The following SYCP2 variants were observed in gnomAD, a reference collection of about 807,000 sequenced individuals.
SYCP2 encodes the protein synaptonemal complex protein 2, also known as synaptonemal complex lateral element protein.
In SYCP2, 55 loss-of-function variants were observed where a neutral mutation model predicts 211.3. The observed-to-expected ratio is 0.26, with a 90% CI of 0.21 to 0.33. The LOEUF is 0.33. Ranked by LOEUF, SYCP2 falls within the 10% of genes least tolerant of loss-of-function variation. The pLI is 1.00. For synonymous variants in SYCP2, 570 were observed against 555.2 expected (o/e 1.03, Z -0.37); for missense variants, 1,731 against 1,752.0 (o/e 0.99, Z 0.21).
At chr20:59,896,591 ATTTTACTTATAACAT>A (rs1398396462) in intron 18 of SYCP2, 63 bp from the exon 19 acceptor site, 3 of 846,590 alleles carry the variant, frequency 3.5e-6, no homozygotes, top group Non-Finnish European at 3.9e-6. Flanking sequence ...ATATCCTACA[ATTTTACTTATAACAT>A]TTTGCCTTGA....
intron 15 of SYCP2, among the ~76,000 whole-genome samples, chr20:59,902,633 A>T (rs1320225137): frequency 6.6e-6 from 1 of 152,168 alleles, no homozygotes; most frequent in African/African-American, 2.4e-5. Flanking sequence ...ATGTGGCCTA[A>T]GGGACAAATG....
chr20:59,922,570 A>G (rs2060562005), intron 2 of SYCP2, 111 bp from the exon 3 acceptor site: 1 of 486,946 alleles, frequency 2.1e-6, no homozygotes, highest in African/African-American at 2.0e-5. Flanking sequence ...CAAAGGCAAC[A>G]TTAACTTCCT....
chr20:59,875,209 A>G, intron 34 of SYCP2, 62 bp downstream of exon 34: 1 of 1,065,742 alleles, frequency 9.4e-7, no homozygotes. Context: ...GTATTTTCCC[A>G]TAATTAGAGT....
At chr20:59,918,714 G>A (rs370128247) in intron 7 of SYCP2, among the ~76,000 whole-genome samples, 1 of 152,110 alleles carries the variant, frequency 6.6e-6, no homozygotes, top group East Asian at 1.9e-4. Flanking sequence ...ATTTTCTAAT[G>A]TGACATACAT....
At chr20:59,879,234 C>G (rs1390745802) in intron 31 of SYCP2, among the ~76,000 whole-genome samples, 1 of 151,978 alleles carries the variant, frequency 6.6e-6, no homozygotes, top group Non-Finnish European at 1.5e-5. Context: ...TAAATATGAT[C>G]TATGTACCAA....
chr20:59,864,424 C>T, intron 44 of SYCP2, 36 bp from the exon 45 acceptor site: 2 of 1,392,250 alleles, frequency 1.4e-6, no homozygotes, highest in East Asian at 2.3e-5. Flanking sequence ...ACTTAGATTT[C>T]ACATTTTCGC....
intron 35 of SYCP2, among the ~76,000 whole-genome samples, chr20:59,870,799 G>A (rs1392857558): frequency 4.0e-5 from 6 of 151,654 alleles, no homozygotes; most frequent in African/African-American, 1.5e-4. Context: ...AAAATCTAAT[G>A]GTGCCTAATC....
chr20:59,903,001 A>G (rs969240318), intron 15 of SYCP2, among the ~76,000 whole-genome samples: 1 of 152,072 alleles, frequency 6.6e-6, no homozygotes, highest in Non-Finnish European at 1.5e-5. Flanking sequence ...GCTTACTGTA[A>G]ATTATATTAA....
intron 2 of SYCP2, among the ~76,000 whole-genome samples, chr20:59,929,311 A>G (rs1022792263): frequency 6.6e-6 from 1 of 152,190 alleles, no homozygotes; most frequent in African/African-American, 2.4e-5. Context: ...CCTGGTGGGA[A>G]GCAAATAACT....
At chr20:59,888,131 G>GT (rs541683183) in intron 24 of SYCP2, among the ~76,000 whole-genome samples, 151 of 152,142 alleles carry the variant, frequency 9.9e-4, no homozygotes, top group African/African-American at 3.4e-3. Flanking sequence ...AGATAGAAGA[G>GT]TAGGAACTAC....
chr20:59,876,422 T>C (rs534723958), intron 33 of SYCP2, among the ~76,000 whole-genome samples: 7 of 84,412 alleles, frequency 8.3e-5, no homozygotes, highest in African/African-American at 2.4e-4. Context: ...GAAGAAGTGA[T>C]AGAAAATGTA....
rs1341753555 is a variant in SYCP2, at chr20:59,866,581, A to C, written c.4134T>G (p.His1378Gln). 3 of 1,593,118 alleles carry C rather than the reference A, an allele frequency of 1.9e-6. No homozygotes were observed. The highest frequency in any genetic ancestry group is 2.6e-6 in the Non-Finnish European group (3 of 1,171,724). Residue 1378 changes from histidine to glutamine, a missense_variant, in exon 40 of 45, where the codon CAT becomes CAG. Around this residue, in one of 3 missense-constraint regions of SYCP2, gnomAD observed 1,387 missense variants for 1,351.3 expected, o/e 1.03. Transcript: ENST00000357552. ...SEFKRRNNIR[H>Q]KMLSYFTTQS... ...GCGTAGTAAAATAACTCAACATTTT[A>C]TGTCGGATCTGAAAAATACTCATTT...
At chr20:59,925,837 TA>T (rs2060625083) in intron 2 of SYCP2, among the ~76,000 whole-genome samples, 1 of 152,038 alleles carries the variant, frequency 6.6e-6, no homozygotes, top group African/African-American at 2.4e-5. Flanking sequence ...TTTCTTTTTT[TA>T]AGAAAACCAG....
At chr20:59,922,226 A>C (rs2060554208) in intron 3 of SYCP2, among the ~76,000 whole-genome samples, 164 bp downstream of exon 3, 1 of 151,684 alleles carries the variant, frequency 6.6e-6, no homozygotes, top group African/African-American at 2.4e-5. Context: ...TTTTGCAAAC[A>C]TCTAATGAAT....
chr20:59,892,520 G>C (rs2059926838), intron 23 of SYCP2, 48 bp downstream of exon 23: 2 of 1,549,638 alleles, frequency 1.3e-6, no homozygotes, highest in Non-Finnish European at 1.7e-6. Flanking sequence ...TTAGACATTT[G>C]AGGAAATTAA....
At chr20:59,877,846 G>C (rs1054789772) in intron 32 of SYCP2, among the ~76,000 whole-genome samples, 162 bp downstream of exon 32, 3 of 152,026 alleles carry the variant, frequency 2.0e-5, no homozygotes, top group Non-Finnish European at 4.4e-5. Context: ...TCAAAGGCCA[G>C]TATGATTTAA....
intron 20 of SYCP2, among the ~76,000 whole-genome samples, chr20:59,894,992 C>T (rs190569946): frequency 1.3e-5 from 2 of 152,054 alleles, no homozygotes; most frequent in East Asian, 1.9e-4. Flanking sequence ...TGGGGTTAGG[C>T]ACTTGACCCT....
At chr20:59,868,111 C>T (rs1471858164) in intron 38 of SYCP2, among the ~76,000 whole-genome samples, 1 of 151,592 alleles carries the variant, frequency 6.6e-6, no homozygotes, top group African/African-American at 2.4e-5. Flanking sequence ...TTTTTAACTG[C>T]TTTTTAACTA....
chr20:59,920,505 C>G lies in SYCP2; in HGVS notation c.169-18G>C, dbSNP rs1568982540. The G allele has an allele frequency of 6.4e-7, 1 of 1,565,100 alleles. No homozygotes were observed. Among genetic ancestry groups the G allele is most frequent in the Non-Finnish European group, 8.7e-7 (1 of 1,145,576 alleles). On this transcript the variant is annotated intron_variant, in intron 4 of 44. Coordinates refer to ENST00000357552, the MANE Select transcript of SYCP2 (RefSeq NM_014258.4). The stretch of plus-strand genomic sequence containing the variant: ...TTAAGTTCCTGAAATAAAAGGTATA[C>G]ATTAAAATTTCTGTAAACACAAAAC...
Sources: allele counts gnomAD v4.1 joint callset (sites outside exome capture counted in the v4.1 genomes callset), GRCh38; gene constraint gnomAD v4.1.1; regional missense constraint gnomAD v4.1.1; transcripts MANE v1.5; gene names NCBI Gene and HGNC (gene_info 2026-07-23, HGNC 2026-07-21).